Variants in SERINC1 observed in about 807,000 individuals in gnomAD.
SERINC1 encodes serine incorporator 1.
SERINC1 carries 38 observed loss-of-function variants against 52.9 expected under a neutral mutation model. That is an observed-to-expected ratio of 0.72 (90% CI 0.55 to 0.94). The LOEUF is 0.94. SERINC1 is among the 40% of genes least tolerant of loss of function. The pLI, the probability that SERINC1 is intolerant of heterozygous loss-of-function variation, is 0.00. For missense variants in SERINC1, 471 were observed against 533.9 expected (o/e 0.88, Z 1.16); for synonymous variants, 198 against 183.1 (o/e 1.08, Z -0.66).
At chr6:122,461,281 AG>A (rs1422264806) in intron 1 of SERINC1, among the ~76,000 whole-genome samples, 1 of 152,200 alleles carries the variant, frequency 6.6e-6, no homozygotes, top group Non-Finnish European at 1.5e-5. Flanking sequence ...AGTAATAATC[AG>A]AAAAATCTTA....
intron 1 of SERINC1, among the ~76,000 whole-genome samples, chr6:122,463,107 G>A (rs925818052): frequency 6.6e-6 from 1 of 152,150 alleles, no homozygotes; most frequent in Non-Finnish European, 1.5e-5. Flanking sequence ...GAAAAGGGTG[G>A]ACACACTAAG....
chr6:122,465,811 G>A lies in SERINC1; in HGVS notation c.39+5888C>T, dbSNP rs139339115. On this transcript the variant is annotated intron_variant, in intron 1 of 9. Transcript: ENST00000339697. ...GCAGACATAAAAGCATAAAAAATTT[G>A]GTATTTTTAATATACTTACAGAGTA... 2.0e-5 allele frequency among the ~76,000 whole-genome samples: 3 copies of A among 152,010 alleles called. No individual in the cohort carries two copies. In the East Asian group the frequency reaches 5.8e-4, roughly 29 times the overall value.
chr6:122,471,801 C>T lies in SERINC1; in HGVS notation c.-64G>A. The stretch of plus-strand genomic sequence containing the variant: ...GGAGACAGCTTCTTTCTCGCCTTTC[C>T]GAGATTATTTACTATCTGCGAGACA... On this transcript the variant is annotated 5_prime_UTR_variant, in exon 1 of 10. Transcript: ENST00000339697. The T allele has an allele frequency of 6.2e-7, 1 of 1,611,974 alleles. No individual in the cohort carries two copies. Among genetic ancestry groups the T allele is most frequent in the Non-Finnish European group, 8.5e-7 (1 of 1,179,440 alleles).
At chr6:122,445,535 C>T (rs960927298) in intron 9 of SERINC1, among the ~76,000 whole-genome samples, 1 of 151,980 alleles carries the variant, frequency 6.6e-6, no homozygotes, top group Admixed American at 6.6e-5. Flanking sequence ...ATATGGAACT[C>T]CTCACCTGAT....
At position 122,454,183 on chromosome 6, in the gene SERINC1, G is replaced by A; in HGVS notation, c.419C>T (p.Ala140Val). ...AAAAGTTCCTTCTGGAATGAAGAAT[G>A]CCCCAATAATAATTGCAATTGCTGC... ...FAAAIAIIIG[A>V]FFIPEGTFTT... Residue 140 changes from alanine (A) to valine (V), a missense_variant, in exon 4 of 10, where the codon GCA (alanine) becomes GTA (valine). Coordinates refer to ENST00000339697, the MANE Select transcript of SERINC1 (RefSeq NM_020755.4). 1 of 1,589,514 alleles carries A rather than the reference G, an allele frequency of 6.3e-7. No homozygotes were observed. Among genetic ancestry groups the A allele is most frequent in the East Asian group, 2.3e-5 (1 of 44,128 alleles).
At position 122,458,678 on chromosome 6, in the gene SERINC1, G is replaced by T. The variant is rs1167772528; in HGVS notation, c.43C>A (p.Pro15Thr). The T allele has an allele frequency of 1.0e-5, 16 of 1,585,032 alleles. No homozygotes were observed. Among genetic ancestry groups the T allele is most frequent in the Non-Finnish European group, 1.4e-5 (16 of 1,162,622 alleles). Residue 15 changes from proline to threonine, a missense_variant, in exon 2 of 10, where the codon CCA becomes ACA. By Grantham distance (38) the Pro-to-Thr change is conservative. Coordinates refer to ENST00000339697, the MANE Select transcript of SERINC1 (RefSeq NM_020755.4). ...LGLCSMASWI[P>T]CLCGSAPCLL... Reference sequence around the variant, plus strand: ...CACGGGGCACTTCCACACAAACATGGTATCTGGGAAAAAGAATATTATTGA... The same window carrying T: ...CACGGGGCACTTCCACACAAACATGTTATCTGGGAAAAAGAATATTATTGA...
chr6:122,454,829 GACC>G (rs1221911407), intron 3 of SERINC1, among the ~76,000 whole-genome samples: 7 of 152,300 alleles, frequency 4.6e-5, no homozygotes, highest in African/African-American at 1.7e-4. Flanking sequence ...TACCAGCTAT[GACC>G]ACATGTCCAG....
intron 1 of SERINC1, among the ~76,000 whole-genome samples, chr6:122,468,754 TA>T (rs1005732134): frequency 2.6e-5 from 4 of 152,214 alleles, no homozygotes; most frequent in African/African-American, 9.6e-5. Flanking sequence ...ATAGCAACTA[TA>T]AATCATTTCT....
intron 1 of SERINC1, among the ~76,000 whole-genome samples, chr6:122,461,314 T>A (rs1455494555): frequency 1.3e-5 from 2 of 151,866 alleles, no homozygotes; most frequent in African/African-American, 4.8e-5. Flanking sequence ...AAAAATAAAA[T>A]GTACATTATA....
At chr6:122,459,345 A>G (rs1043334907) in intron 1 of SERINC1, among the ~76,000 whole-genome samples, 1 of 152,176 alleles carries the variant, frequency 6.6e-6, no homozygotes, top group African/African-American at 2.4e-5. Flanking sequence ...CAGAGTAAAT[A>G]TTCTCATAAT....
intron 1 of SERINC1, among the ~76,000 whole-genome samples, chr6:122,462,180 T>G (rs1282585669): frequency 6.6e-6 from 1 of 152,172 alleles, no homozygotes; most frequent in Non-Finnish European, 1.5e-5. Context: ...CAATACCTAT[T>G]CATGATATAA....
Position 122,451,776 on chromosome 6 carries a change from A to AAAAAAAAAATATATATATAT in SERINC1, c.760-23_760-22insATATATATATATTTTTTTTT. On this transcript the variant is annotated intron_variant, in intron 6 of 9. Transcript: ENST00000339697. ...ATTCCTACAAAAAAAAAAAAAAAAA[A>AAAAAAAAAATATATATATAT]ATATATATATATATATATAGCAACA... The AAAAAAAAAATATATATATAT allele has an allele frequency of 1.5e-4, 17 of 113,070 alleles. No individual in the cohort carries two copies. In the South Asian group the frequency reaches 3.2e-3, roughly 21 times the overall value. The allele number at this position is 113,070 out of a possible 1,614,324, so 7.0% of individuals were successfully genotyped here. A position where few individuals can be genotyped will look rare whatever the true frequency, so the allele number is the denominator to read the frequency against.
At chr6:122,470,132 C>T (rs1185872303) in intron 1 of SERINC1, among the ~76,000 whole-genome samples, 1 of 152,182 alleles carries the variant, frequency 6.6e-6, no homozygotes, top group Non-Finnish European at 1.5e-5. Context: ...TACACTTAAG[C>T]CCAGCAGTTC....
At chr6:122,451,776 A>AAAAAAAAAAAAATATATAT in intron 6 of SERINC1, 22 bp from the exon 7 acceptor site, 22 of 113,050 alleles carry the variant, frequency 1.9e-4, no homozygotes, top group African/African-American at 6.0e-4. Context: ...AAAAAAAAAA[A>AAAAAAAAAAAAATATATAT]ATATATATAT....
At chr6:122,462,882 T>C (rs1395677453) in intron 1 of SERINC1, among the ~76,000 whole-genome samples, 2 of 152,202 alleles carry the variant, frequency 1.3e-5, no homozygotes, top group East Asian at 1.9e-4. Context: ...AAGACAATTA[T>C]TTTCAAGATA....
intron 9 of SERINC1, among the ~76,000 whole-genome samples, chr6:122,446,262 AAGT>A (rs1413495214): frequency 6.2e-4 from 95 of 152,216 alleles, no homozygotes; most frequent in African/African-American, 2.1e-3. Flanking sequence ...TTAAAAAAAA[AAGT>A]AGCTTGTAAG....
rs780007643 is a variant in SERINC1 at position 122,456,595 on chromosome 6, C to A, written c.257G>T (p.Gly86Val). The A allele has an allele frequency of 5.3e-5, 85 of 1,612,032 alleles. No homozygotes were observed. Among genetic ancestry groups the A allele is most frequent in the Non-Finnish European group, 6.7e-5 (79 of 1,178,974 alleles). The change falls in exon 3 of 10, where the codon GGC becomes GTC. Residue 86 changes from glycine to valine, a missense_variant. Physicochemically the swap from Gly to Val is moderately radical, Grantham distance 109. Transcript: ENST00000339697. ...KGVVPCNILV[G>V]YKAVYRLCFG... ...GCACAAACGATATACAGCTTTATAG[C>A]CAACCAAAATGTTACAAGGGACAAC...
chr6:122,470,579 T>C (rs914321920), intron 1 of SERINC1, among the ~76,000 whole-genome samples: 1 of 152,192 alleles, frequency 6.6e-6, no homozygotes, highest in Non-Finnish European at 1.5e-5. Flanking sequence ...TGAGATAAAA[T>C]ATTCCAGGCT....
intron 1 of SERINC1, among the ~76,000 whole-genome samples, chr6:122,466,661 C>A (rs1775198219): frequency 1.3e-5 from 2 of 151,924 alleles, no homozygotes; most frequent in Non-Finnish European, 2.9e-5. Flanking sequence ...CAACAGAAGT[C>A]CAATCAGTCA....
Sources: gnomAD v4.1 joint callset for allele counts (sites outside exome capture counted in the v4.1 genomes callset) on GRCh38, gnomAD v4.1.1 for gene constraint, MANE v1.5 for transcripts, NCBI Gene and HGNC (gene_info 2026-07-23, HGNC 2026-07-21) for gene names.